RERG: variants seen among roughly 807,000 people sequenced by gnomAD.
The protein encoded by RERG is ras-related and estrogen-regulated growth inhibitor.
Under a neutral mutation model 23.2 loss-of-function variants are expected in RERG, and 25 were observed. The ratio of observed to expected loss-of-function variants is 1.08; its 90% CI spans 0.79 to 1.50. RERG has a LOEUF of 1.50. Ranked by LOEUF, RERG falls within the 40% of genes most tolerant of loss-of-function variation. The pLI is 0.00. For synonymous variants in RERG, 81 were observed against 89.1 expected, an observed-to-expected ratio of 0.91 and a Z score of 0.51; for missense variants, 253 against 250.1, an observed-to-expected ratio of 1.01 and a Z score of -0.08.
At chr12:15,160,824 G>A (rs970429249) in intron 2 of RERG, among the ~76,000 whole-genome samples, 2 of 151,974 alleles carry the variant, frequency 1.3e-5, no homozygotes, top group African/African-American at 4.8e-5. Context: ...TAAAGCCTTA[G>A]GGAATAATAC....
At chr12:15,169,714 G>A (rs2136120720) in intron 2 of RERG, among the ~76,000 whole-genome samples, 2 of 152,200 alleles carry the variant, frequency 1.3e-5, no homozygotes, top group Admixed American at 1.3e-4. Context: ...TAATACAAAG[G>A]ATTCCCTCTC....
intron 2 of RERG, among the ~76,000 whole-genome samples, chr12:15,131,172 C>A (rs905380234): frequency 6.6e-6 from 1 of 151,872 alleles, no homozygotes; most frequent in Non-Finnish European, 1.5e-5. Flanking sequence ...AAAGTAAAAA[C>A]AAGAGAAAAT....
At chr12:15,213,647 C>T (rs1250727877) in intron 2 of RERG, among the ~76,000 whole-genome samples, 3 of 152,218 alleles carry the variant, frequency 2.0e-5, no homozygotes, top group Non-Finnish European at 4.4e-5. Context: ...CACATACACA[C>T]ATCCCTCACA....
At chr12:15,166,523 ATGG>A (rs148048968) in intron 2 of RERG, among the ~76,000 whole-genome samples, 5 of 148,920 alleles carry the variant, frequency 3.4e-5, no homozygotes, top group South Asian at 2.1e-4. Context: ...GATGGTGGTG[ATGG>A]TGGTGGTGGT....
At chr12:15,208,781 G>T (rs7965989) in intron 2 of RERG, among the ~76,000 whole-genome samples, 51,865 of 151,834 alleles carry the variant, frequency 0.34, 9,101 homozygotes, top group African/African-American at 0.43. Context: ...GAGAAATCTG[G>T]CAAAAATATT....
At chr12:15,131,585 G>C (rs1162116627) in intron 2 of RERG, among the ~76,000 whole-genome samples, 1 of 152,010 alleles carries the variant, frequency 6.6e-6, no homozygotes, top group Non-Finnish European at 1.5e-5. Flanking sequence ...ATTGACAACC[G>C]AAAACATTTG....
chr12:15,164,277 T>C (rs1864655245), intron 2 of RERG, among the ~76,000 whole-genome samples: 1 of 152,214 alleles, frequency 6.6e-6, no homozygotes, highest in Admixed American at 6.5e-5. Context: ...CAAAACTCAC[T>C]GCCTATTCAC....
Position 15,217,533 on chromosome 12 carries a change from C to A in RERG, c.-44G>T. ...ATTTACTGTTGTTAAAACTAAAGCA[C>A]TGAGTAAATCTTTTTGGTTCCAGTC... On this transcript the variant is annotated 5_prime_UTR_variant, in exon 2 of 5. Coordinates refer to ENST00000256953, the MANE Select transcript of RERG (RefSeq NM_032918.3). 2 of 1,351,178 alleles carry A rather than the reference C, an allele frequency of 1.5e-6. No individual in the cohort carries two copies. The highest frequency in any genetic ancestry group is 1.8e-4 in the Middle Eastern group (1 of 5,542). 83.7% of individuals were successfully genotyped at this position (1,351,178 alleles called of 1,614,324 possible). A position where few individuals can be genotyped will look rare whatever the true frequency, so the allele number is the denominator to read the frequency against.
chr12:15,153,869 GATGA>G (rs1163145819), intron 2 of RERG, among the ~76,000 whole-genome samples: 2 of 152,158 alleles, frequency 1.3e-5, no homozygotes, highest in African/African-American at 2.4e-5. Context: ...ATCAAGCTAA[GATGA>G]TTTCATTGGA....
intron 2 of RERG, among the ~76,000 whole-genome samples, chr12:15,165,270 T>TG (rs1864670846): frequency 6.6e-6 from 1 of 152,200 alleles, no homozygotes; most frequent in East Asian, 1.9e-4. Flanking sequence ...TCCGTACAAC[T>TG]AAGGAAACTA....
chr12:15,134,432 G>C (rs1864108856), intron 2 of RERG, among the ~76,000 whole-genome samples: 1 of 151,696 alleles, frequency 6.6e-6, no homozygotes, highest in African/African-American at 2.4e-5. Flanking sequence ...TGTGTGGGTC[G>C]ATTTCTGATT....
intron 2 of RERG, among the ~76,000 whole-genome samples, chr12:15,166,520 GTGA>G (rs1413481753): frequency 1.3e-5 from 2 of 151,182 alleles, no homozygotes; most frequent in Non-Finnish European, 3.0e-5. Context: ...GGTGATGGTG[GTGA>G]TGGTGGTGGT....
At chr12:15,206,497 A>C (rs1865292968) in intron 2 of RERG, among the ~76,000 whole-genome samples, 1 of 152,144 alleles carries the variant, frequency 6.6e-6, no homozygotes, top group Non-Finnish European at 1.5e-5. Context: ...AACTTAACAC[A>C]GTGATTCCCG....
intron 2 of RERG, among the ~76,000 whole-genome samples, chr12:15,131,796 T>C (rs1338398176): frequency 6.6e-6 from 1 of 152,156 alleles, no homozygotes; most frequent in Non-Finnish European, 1.5e-5. Flanking sequence ...TCATTTGCAA[T>C]TCCTAAATAG....
intron 2 of RERG, among the ~76,000 whole-genome samples, chr12:15,166,508 GTGGTGATGGTGGTGA>G (rs1027860525): frequency 6.1e-5 from 9 of 147,482 alleles, no homozygotes; most frequent in Non-Finnish European, 1.2e-4. Flanking sequence ...GATGGGGATG[GTGGTGATGGTGGTGA>G]TGGTGGTGGT....
chr12:15,139,213 C>T (rs1864195352), intron 2 of RERG, among the ~76,000 whole-genome samples: 1 of 152,016 alleles, frequency 6.6e-6, no homozygotes, highest in African/African-American at 2.4e-5. Flanking sequence ...GAATACCATG[C>T]TGTCCTACAG....
intron 2 of RERG, among the ~76,000 whole-genome samples, chr12:15,201,720 G>A (rs1053350706): frequency 6.7e-6 from 1 of 150,188 alleles, no homozygotes; most frequent in African/African-American, 2.4e-5. Flanking sequence ...GTAATAATTA[G>A]TGTTAGTAAT....
intron 2 of RERG, among the ~76,000 whole-genome samples, chr12:15,128,020 C>T (rs1863978506): frequency 6.6e-6 from 1 of 152,152 alleles, no homozygotes; most frequent in Admixed American, 6.6e-5. Context: ...ACTCTGTTTA[C>T]CTTAAAACCC....
At chr12:15,161,823 CT>C (rs1480371700) in intron 2 of RERG, among the ~76,000 whole-genome samples, 5 of 152,130 alleles carry the variant, frequency 3.3e-5, no homozygotes, top group Non-Finnish European at 7.4e-5. Flanking sequence ...GTGCCAAGCA[CT>C]GTTCTAAGTA....
Sources: allele counts gnomAD v4.1 joint callset (sites outside exome capture counted in the v4.1 genomes callset), GRCh38; gene constraint gnomAD v4.1.1; transcripts MANE v1.5; gene names NCBI Gene and HGNC (gene_info 2026-07-23, HGNC 2026-07-21).